Variants in RASGRP4 observed in about 807,000 individuals in gnomAD.
RASGRP4 encodes the protein RAS guanyl-releasing protein 4.
RASGRP4 carries 52 observed loss-of-function variants against 84.4 expected under a neutral mutation model. That is an observed-to-expected ratio of 0.62 (90% CI 0.49 to 0.78). RASGRP4 has a LOEUF of 0.78. RASGRP4 is among the 30% of genes least tolerant of loss of function. RASGRP4 has a pLI of 0.00. For synonymous variants in RASGRP4, 356 were observed against 359.1 expected (o/e 0.99, Z 0.10); for missense variants, 760 against 886.9 (o/e 0.86, Z 1.82).
rs780272913 is a variant in RASGRP4 at position 38,422,059 on chromosome 19, T to C, written c.118A>G (p.Ser40Gly). Residue 40 changes from serine (S) to glycine (G), a missense_variant, in exon 2 of 17, where the codon AGC becomes GGC. Physicochemically the swap from Ser to Gly is moderately conservative, Grantham distance 56 (BLOSUM62 0). Transcript: ENST00000615439. ...AGGTTCATGGAAGCCATGACCTTGC[T>C]GATTTCCCGAGGGCTGGGGCATGTC... Reference protein sequence around the residue: ...HKTCPSPREISKVMASMNLGL... With the variant: ...HKTCPSPREIGKVMASMNLGL... 1.2e-6 allele frequency: 2 copies of C among 1,613,816 alleles called. No homozygotes were observed. The highest frequency in any genetic ancestry group is 8.5e-7 in the Non-Finnish European group (1 of 1,179,836).
intron 4 of RASGRP4, 77 bp downstream of exon 4, chr19:38,420,831 T>G (rs1430088274): frequency 6.2e-6 from 9 of 1,459,104 alleles, no homozygotes; most frequent in Non-Finnish European, 7.7e-6. Context: ...CTGGGGATTC[T>G]CTGAGGAATG....
At chr19:38,419,178 T>C (rs1238950780) in intron 6 of RASGRP4, among the ~76,000 whole-genome samples, 1 of 152,136 alleles carries the variant, frequency 6.6e-6, no homozygotes, top group Non-Finnish European at 1.5e-5. Context: ...AGCTAATGCA[T>C]ATATATGTTG....
Position 38,410,007 on chromosome 19 carries a change from A to G in RASGRP4, c.*33T>C. On this transcript the variant is annotated 3_prime_UTR_variant, in exon 17 of 17. Coordinates refer to ENST00000615439, the MANE Select transcript of RASGRP4 (RefSeq NM_170604.3). ...GCAGGACTCAGGACTGACTGGGGGAAGGGAGTGAGGAAGAGAGGAGACCAA... is the reference window on the plus strand; with the variant it reads ...GCAGGACTCAGGACTGACTGGGGGAGGGGAGTGAGGAAGAGAGGAGACCAA... 6.3e-7 allele frequency: 1 copy of G among 1,579,064 alleles called. No homozygotes were observed. Among genetic ancestry groups the G allele is most frequent in the Non-Finnish European group, 8.7e-7 (1 of 1,154,420 alleles).
At chr19:38,424,496 T>A (rs1160195141) in intron 1 of RASGRP4, among the ~76,000 whole-genome samples, 2 of 151,860 alleles carry the variant, frequency 1.3e-5, no homozygotes, top group African/African-American at 4.8e-5. Context: ...CAAAGCTCAT[T>A]GTAACCTTGA....
Position 38,413,685 on chromosome 19 carries a change from A to G in RASGRP4, c.1231-211T>C, listed in dbSNP as rs1282311733. 6.6e-6 allele frequency among the ~76,000 whole-genome samples: 1 copy of G among 152,146 alleles called. No homozygotes were observed. Among genetic ancestry groups the G allele is most frequent in the Non-Finnish European group, 1.5e-5 (1 of 68,026 alleles). On this transcript the variant is annotated intron_variant, in intron 9 of 16. Coordinates refer to ENST00000615439, the MANE Select transcript of RASGRP4 (RefSeq NM_170604.3). The surrounding 1 kb of genome is among the most constrained non-coding windows in gnomAD (Gnocchi z 4.7). ...AAGGGTCCCGACCTCATAGGGTTGT[A>G]AGGTGGAATGAGGTACCTGGCACAC...
chr19:38,412,469 G>T lies in RASGRP4; in HGVS notation c.1680+203C>A. ...TATCCATGGTTCAGCAATTGTCTGG[G>T]GTGGACATTATCTGGGATTTTGGGA... On this transcript the variant is annotated intron_variant, in intron 13 of 16. Coordinates refer to ENST00000615439, the MANE Select transcript of RASGRP4 (RefSeq NM_170604.3). The surrounding 1 kb of genome is among the most constrained non-coding windows in gnomAD (Gnocchi z 4.6). The T allele has an allele frequency of 3.3e-6, 2 of 598,898 alleles. No homozygotes were observed. Among genetic ancestry groups the T allele is most frequent in the Non-Finnish European group, 5.8e-6 (2 of 343,016 alleles). The allele number at this position is 598,898 out of a possible 1,614,324, so 37.1% of individuals were successfully genotyped here. A position where few individuals can be genotyped will look rare whatever the true frequency, so the allele number is the denominator to read the frequency against.
chr19:38,412,494 A>G lies in RASGRP4; in HGVS notation c.1680+178T>C. On this transcript the variant is annotated intron_variant, in intron 13 of 16. Transcript: ENST00000615439. The surrounding 1 kb of genome is among the most constrained non-coding windows in gnomAD (Gnocchi z 4.6). ...GGTGGACATTATCTGGGATTTTGGG[A>G]TTATCTGGCATTTGGAGATTATCCA... The G allele has an allele frequency of 1.1e-5, 7 of 642,094 alleles. No individual in the cohort carries two copies. In the Admixed American group the frequency reaches 1.6e-4, roughly 14 times the overall value. The allele number at this position is 642,094 out of a possible 1,614,324, so 39.8% of individuals were successfully genotyped here.
rs1971563893 is a variant in RASGRP4, at chr19:38,417,869, C to G, written c.837+522G>C. On this transcript the variant is annotated intron_variant, in intron 7 of 16. Transcript: ENST00000615439. This position sits in a 1 kb window ranked among gnomAD's most constrained non-coding sequence, Gnocchi z 5.1. The stretch of plus-strand genomic sequence containing the variant: ...AGGGCGTGGTCTGCGTGGAAATACG[C>G]AAGGGGGCGCGGCCACAGCGGGGCC... Among the ~76,000 whole-genome samples the G allele has an allele frequency of 6.6e-6, 1 of 152,050 alleles. No homozygotes were observed. Among genetic ancestry groups the G allele is most frequent in the Non-Finnish European group, 1.5e-5 (1 of 68,018 alleles).
rs758837662 is a variant in RASGRP4 at position 38,413,463 on chromosome 19, G to A, written c.1242C>T (p.Asp414=). ...AGATCTCGTCTTCCGTGTAGAAGAG[G>A]TCCAGGGAGAGCTGGAGCAGACAGG... is the stretch of plus-strand genomic sequence containing the variant. ...DLLHLLTLSL[D]LFYTEDEIYE... Residue 414 remains aspartate, a synonymous_variant, in exon 10 of 17, where the codon GAC becomes GAT. Transcript: ENST00000615439. The surrounding 1 kb of genome is among the most constrained non-coding windows in gnomAD (Gnocchi z 4.7). 6.3e-7 allele frequency: 1 copy of A among 1,597,598 alleles called. No homozygotes were observed. The highest frequency in any genetic ancestry group is 1.1e-5 in the South Asian group (1 of 88,434).
intron 13 of RASGRP4, among the ~76,000 whole-genome samples, chr19:38,411,997 A>T (rs546633940): frequency 1.3e-5 from 2 of 152,332 alleles, no homozygotes; most frequent in East Asian, 3.9e-4. Flanking sequence ...TTTGGAAGTT[A>T]TTCAGAGTTT....
At position 38,418,532 on chromosome 19, in the gene RASGRP4, G is replaced by A. The variant is rs1490261973; in HGVS notation, c.696C>T (p.Gly232=). 1.3e-6 allele frequency: 2 copies of A among 1,545,562 alleles called. No individual in the cohort carries two copies. Among genetic ancestry groups the A allele is most frequent in the Non-Finnish European group, 1.7e-6 (2 of 1,144,904 alleles). ...PQDLRSYVLQ[G]SVRGCPALEG... is the part of the protein sequence containing the mutation. ...CCAGGGCCGGGCAGCCTCGTACTGA[G>A]CCCTGCAAAACGTAGCTCCGCAGGT... is the stretch of plus-strand genomic sequence containing the variant. Residue 232 remains glycine (G), a synonymous_variant, in exon 7 of 17, where the codon GGC becomes GGT. Transcript: ENST00000615439. This position sits in a 1 kb window ranked among gnomAD's most constrained non-coding sequence, Gnocchi z 4.6.
chr19:38,423,320 T>C (rs762612241), intron 1 of RASGRP4, among the ~76,000 whole-genome samples: 6 of 151,696 alleles, frequency 4.0e-5, no homozygotes, highest in Non-Finnish European at 8.8e-5. Flanking sequence ...AGGCCAGGAG[T>C]TCGAGACCAC....
Position 38,421,082 on chromosome 19 carries a change from T to C in RASGRP4, c.314+13A>G. 6.2e-7 allele frequency: 1 copy of C among 1,612,006 alleles called. No individual in the cohort carries two copies. The highest frequency in any genetic ancestry group is 8.5e-7 in the Non-Finnish European group (1 of 1,178,168). ...TCTGCCCTCCACCCATAGCTCACAG[T>C]CCTGGAGGATATGAGGTCAGCAGGC... On this transcript the variant is annotated intron_variant, in intron 3 of 16. Transcript: ENST00000615439.
rs1051539198 is a variant in RASGRP4, at chr19:38,418,298, G to T, written c.837+93C>A. The T allele has an allele frequency of 5.2e-6, 7 of 1,343,140 alleles. No homozygotes were observed. Among genetic ancestry groups the T allele is most frequent in the Admixed American group, 2.1e-5 (1 of 46,592 alleles). The allele number at this position is 1,343,140 out of a possible 1,614,324, so 83.2% of individuals were successfully genotyped here. On this transcript the variant is annotated intron_variant, in intron 7 of 16. Transcript: ENST00000615439. This position sits in a 1 kb window ranked among gnomAD's most constrained non-coding sequence, Gnocchi z 4.6. ...GGGCCGGGAGATGCGTGACGTCACCGCCGGGATGACCCTGTGGGGTCGAGG... is the reference window on the plus strand; with the variant it reads ...GGGCCGGGAGATGCGTGACGTCACCTCCGGGATGACCCTGTGGGGTCGAGG...
intron 16 of RASGRP4, 50 bp from the exon 17 acceptor site, chr19:38,410,146 A>C: frequency 6.7e-7 from 1 of 1,492,550 alleles, no homozygotes; most frequent in Non-Finnish European, 9.3e-7. Context: ...TGGGGAGCAT[A>C]TGATGTCTAG....
Position 38,422,196 on chromosome 19 carries a change from C to T in RASGRP4, c.24-43G>A, listed in dbSNP as rs774667019. On this transcript the variant is annotated intron_variant, in intron 1 of 16. Coordinates refer to ENST00000615439, the MANE Select transcript of RASGRP4 (RefSeq NM_170604.3). Reference sequence around the variant, plus strand: ...AAGGAGTCATGGGAGCACCTTCTTTCGGACAGACCCTAGAATTCCTTTTGA... The same window carrying T: ...AAGGAGTCATGGGAGCACCTTCTTTTGGACAGACCCTAGAATTCCTTTTGA... The T allele has an allele frequency of 1.3e-5, 20 of 1,538,672 alleles. 1 individual carries two copies. Among genetic ancestry groups the T allele is most frequent in the South Asian group, 1.2e-4 (10 of 83,034 alleles).
chr19:38,409,819 T>C lies in RASGRP4; in HGVS notation c.*221A>G. 7 of 492,912 alleles carry C rather than the reference T, an allele frequency of 1.4e-5. No individual in the cohort carries two copies. In the South Asian group the frequency reaches 1.9e-4, roughly 13 times the overall value. The allele number at this position is 492,912 out of a possible 1,614,324, so 30.5% of individuals were successfully genotyped here. ...TGTATCCAACACACAGCCGCACAGA[T>C]ACTAAGTGCAGGGAAAGGGAGCAGG... is the stretch of plus-strand genomic sequence containing the variant. On this transcript the variant is annotated 3_prime_UTR_variant, in exon 17 of 17. Coordinates refer to ENST00000615439, the MANE Select transcript of RASGRP4 (RefSeq NM_170604.3).
At chr19:38,411,733 T>C in intron 13 of RASGRP4, 1 of 193,098 alleles carries the variant, frequency 5.2e-6, no homozygotes, top group Non-Finnish European at 1.1e-5. Context: ...TTATCTCAAG[T>C]TTAGATAATC....
chr19:38,425,109 C>T (rs1052741841), intron 1 of RASGRP4, among the ~76,000 whole-genome samples: 7 of 148,730 alleles, frequency 4.7e-5, no homozygotes, highest in Admixed American at 1.4e-4. Flanking sequence ...CGCTTGAACC[C>T]GGGAGGCAGA....
Sources: gnomAD v4.1 joint callset for allele counts (sites outside exome capture counted in the v4.1 genomes callset) on GRCh38, gnomAD v4.1.1 for gene constraint, Gnocchi (gnomAD v3.1) non-coding constraint, MANE v1.5 for transcripts, NCBI Gene and HGNC (gene_info 2026-07-23, HGNC 2026-07-21) for gene names.